GPC5: variants seen among roughly 807,000 people sequenced by gnomAD.
GPC5 encodes the protein glypican-5.
A neutral mutation model predicts 53.9 loss-of-function variants in GPC5; 47 were observed. That is an observed-to-expected ratio of 0.87 (90% CI 0.69 to 1.11). GPC5 has a LOEUF of 1.11. Among genes scored for constraint, GPC5 ranks in the 50% most tolerant of loss-of-function variants. The probability of loss-of-function intolerance (pLI) is 0.00; values close to 1 mark genes in which losing one functional copy is unlikely to be tolerated. For synonymous variants in GPC5, 286 were observed against 263.3 expected (o/e 1.09, Z -0.84); for missense variants, 748 against 713.1 (o/e 1.05, Z -0.56).
intron 7 of GPC5, among the ~76,000 whole-genome samples, chr13:92,651,905 A>T (rs1408612327): frequency 6.6e-6 from 1 of 152,186 alleles, no homozygotes; most frequent in East Asian, 1.9e-4. Flanking sequence ...ATATAATTAG[A>T]TTCACATGTA....
At chr13:91,639,147 A>G (rs1482819766) in intron 2 of GPC5, among the ~76,000 whole-genome samples, 1 of 152,226 alleles carries the variant, frequency 6.6e-6, no homozygotes, top group Non-Finnish European at 1.5e-5. Flanking sequence ...ATTCTTCCCC[A>G]GCACAGGTGT....
chr13:92,580,319 G>T (rs1182896862), intron 7 of GPC5, among the ~76,000 whole-genome samples: 1 of 152,152 alleles, frequency 6.6e-6, no homozygotes, highest in East Asian at 1.9e-4. Flanking sequence ...ATTCATTGTA[G>T]GAACTATGGT....
intron 3 of GPC5, among the ~76,000 whole-genome samples, chr13:91,695,574 A>T (rs2035863016): frequency 6.6e-6 from 1 of 151,926 alleles, no homozygotes; most frequent in African/African-American, 2.4e-5. Flanking sequence ...AGGTGGTTTC[A>T]CCATGTTAGC....
At chr13:92,727,294 T>A (rs1470701554) in intron 7 of GPC5, among the ~76,000 whole-genome samples, 1 of 151,682 alleles carries the variant, frequency 6.6e-6, no homozygotes, top group Admixed American at 6.6e-5. Flanking sequence ...TTTAGTCTAA[T>A]CTTTTTGGGT....
intron 7 of GPC5, among the ~76,000 whole-genome samples, chr13:92,456,374 T>A (rs1878268752): frequency 6.6e-6 from 1 of 152,172 alleles, no homozygotes; most frequent in Non-Finnish European, 1.5e-5. Flanking sequence ...TCTTTATCTC[T>A]TCCCCCAAAC....
intron 5 of GPC5, among the ~76,000 whole-genome samples, chr13:91,881,285 T>C (rs2138949882): frequency 6.6e-6 from 1 of 152,218 alleles, no homozygotes; most frequent in South Asian, 2.1e-4. Flanking sequence ...ACATAAAATA[T>C]TTTAACATAT....
At chr13:91,927,113 A>C (rs2039776812) in intron 6 of GPC5, among the ~76,000 whole-genome samples, 1 of 152,216 alleles carries the variant, frequency 6.6e-6, no homozygotes, top group African/African-American at 2.4e-5. Context: ...TTATTGATTT[A>C]TTCTAATGAA....
chr13:92,710,542 A>G (rs1237732821), intron 7 of GPC5, among the ~76,000 whole-genome samples: 1 of 152,226 alleles, frequency 6.6e-6, no homozygotes, highest in Non-Finnish European at 1.5e-5. Flanking sequence ...AATTCTATTC[A>G]TTTGCATTTT....
intron 7 of GPC5, among the ~76,000 whole-genome samples, chr13:92,289,221 T>A (rs915912744): frequency 6.6e-6 from 1 of 152,144 alleles, no homozygotes; most frequent in Non-Finnish European, 1.5e-5. Context: ...TTGGTAGGTG[T>A]AAAATTTAAT....
At chr13:92,212,733 T>A (rs758945110) in intron 7 of GPC5, among the ~76,000 whole-genome samples, 2 of 152,220 alleles carry the variant, frequency 1.3e-5, no homozygotes, top group Non-Finnish European at 2.9e-5. Context: ...TCCACTAATG[T>A]CCTCTGGGCA....
intron 7 of GPC5, among the ~76,000 whole-genome samples, chr13:92,316,480 A>C (rs1261736223): frequency 3.3e-5 from 5 of 152,096 alleles, no homozygotes; most frequent in Non-Finnish European, 5.9e-5. Context: ...TTGCCATGAA[A>C]TGATAGCTGC....
At chr13:92,245,947 G>T (rs2042647473) in intron 7 of GPC5, among the ~76,000 whole-genome samples, 1 of 151,266 alleles carries the variant, frequency 6.6e-6, no homozygotes. Context: ...GAATAGGGTG[G>T]GCCCTATATT....
intron 7 of GPC5, among the ~76,000 whole-genome samples, chr13:92,768,168 T>C (rs1323026423): frequency 6.6e-6 from 1 of 152,226 alleles, no homozygotes; most frequent in African/African-American, 2.4e-5. Flanking sequence ...AGTTTTTTCA[T>C]ACGTAGAATT....
chr13:91,615,049 A>T (rs145536568), intron 2 of GPC5, among the ~76,000 whole-genome samples: 4 of 152,306 alleles, frequency 2.6e-5, no homozygotes, highest in Non-Finnish European at 5.9e-5. Flanking sequence ...TCCATTAATC[A>T]AATATTCATT....
chr13:92,833,165 T>C (rs1357337037), intron 7 of GPC5, among the ~76,000 whole-genome samples: 1 of 152,182 alleles, frequency 6.6e-6, no homozygotes, highest in Non-Finnish European at 1.5e-5. Context: ...AGAGGTCAGA[T>C]AGATATTTCA....
At chr13:92,698,240 T>C (rs1323819922) in intron 7 of GPC5, among the ~76,000 whole-genome samples, 2 of 152,106 alleles carry the variant, frequency 1.3e-5, no homozygotes, top group Non-Finnish European at 1.5e-5. Context: ...TATGTATACA[T>C]GTGCCATGTT....
chr13:91,776,756 A>G (rs1219552439), intron 5 of GPC5, among the ~76,000 whole-genome samples: 1 of 152,218 alleles, frequency 6.6e-6, no homozygotes, highest in African/African-American at 2.4e-5. Context: ...TTCATCCAAG[A>G]AACAGCACAG....
At chr13:91,813,875 T>C in intron 5 of GPC5, among the ~76,000 whole-genome samples, 1 of 150,450 alleles carries the variant, frequency 6.6e-6, no homozygotes, top group African/African-American at 2.4e-5. Context: ...ATGTGTACAC[T>C]GGTTTTGATA....
chr13:91,690,886 AG>A (rs2035743210), intron 2 of GPC5, among the ~76,000 whole-genome samples: 1 of 152,248 alleles, frequency 6.6e-6, no homozygotes. Flanking sequence ...CCTGTGATAT[AG>A]GGTATCTTTG....
Sources: allele counts gnomAD v4.1 joint callset (sites outside exome capture counted in the v4.1 genomes callset), GRCh38; gene constraint gnomAD v4.1.1; transcripts MANE v1.5; gene names NCBI Gene and HGNC (gene_info 2026-07-23, HGNC 2026-07-21).